The following ROR2 variants were observed in gnomAD, a reference collection of about 807,000 sequenced individuals.
The protein encoded by ROR2 is ROR family WNT receptor 2.
ROR2 carries 33 observed loss-of-function variants against 74.9 expected under a neutral mutation model. The observed-to-expected ratio is 0.44, with a 90% confidence interval of 0.33 to 0.59. The LOEUF (loss-of-function observed/expected upper bound fraction) is 0.59, where lower values mean the gene tolerates loss of function less well. ROR2 is among the 20% of genes least tolerant of loss of function. ROR2 has a pLI of 0.02. For synonymous variants in ROR2, 586 were observed against 558.7 expected, an observed-to-expected ratio of 1.05 and a Z score of -0.69; for missense variants, 1,216 against 1,313.8, an observed-to-expected ratio of 0.93 and a Z score of 1.15.
At position 91,808,927 on chromosome 9, in the gene ROR2, C is replaced by T. The variant is rs558919102; in HGVS notation, c.98-33109G>A. On this transcript the variant is annotated intron_variant, in intron 1 of 8. Transcript: ENST00000375708. ...CTGAGGCAGGAGAATGGCATGAACC[C>T]GGGAGGCGGAGCTTGCAGTGAGCTG... Among the ~76,000 whole-genome samples the T allele has an allele frequency of 1.5e-3, 227 of 151,672 alleles. 3 individuals carry two copies. In the South Asian group the frequency reaches 0.024, roughly 16 times the overall value.
At chr9:91,909,696 C>A (rs1830903986) in intron 1 of ROR2, among the ~76,000 whole-genome samples, 1 of 151,494 alleles carries the variant, frequency 6.6e-6, no homozygotes, top group Non-Finnish European at 1.5e-5. Context: ...GTTTTTCCTC[C>A]TGTTCCATCT....
chr9:91,747,740 T>C (rs1825470202), intron 4 of ROR2, among the ~76,000 whole-genome samples: 1 of 152,144 alleles, frequency 6.6e-6, no homozygotes, highest in Non-Finnish European at 1.5e-5. Context: ...AAGCATATCA[T>C]CACGGTGGGG....
intron 1 of ROR2, among the ~76,000 whole-genome samples, chr9:91,878,356 T>C (rs982657807): frequency 2.6e-5 from 4 of 152,168 alleles, no homozygotes; most frequent in Non-Finnish European, 5.9e-5. Flanking sequence ...TCACCCCTCA[T>C]GGTCAGCTCC....
At chr9:91,756,664 T>A (rs1050535984) in intron 3 of ROR2, among the ~76,000 whole-genome samples, 12 of 151,224 alleles carry the variant, frequency 7.9e-5, no homozygotes, top group African/African-American at 2.7e-4. Context: ...ACACCTCAGC[T>A]CCTCGTGTGT....
intron 8 of ROR2, among the ~76,000 whole-genome samples, chr9:91,725,670 G>C (rs1837002276): frequency 6.6e-6 from 1 of 152,158 alleles, no homozygotes; most frequent in Non-Finnish European, 1.5e-5. Context: ...TCTTGACTAG[G>C]GTCTCTGTTA....
chr9:91,938,688 G>A (rs1831768261), intron 1 of ROR2, among the ~76,000 whole-genome samples: 1 of 152,158 alleles, frequency 6.6e-6, no homozygotes, highest in South Asian at 2.1e-4. Flanking sequence ...AGGAAGGCGA[G>A]AGTTTTTAAA....
intron 1 of ROR2, among the ~76,000 whole-genome samples, chr9:91,909,386 G>A (rs1830895438): frequency 6.6e-6 from 1 of 152,092 alleles, no homozygotes; most frequent in Non-Finnish European, 1.5e-5. Flanking sequence ...TTGGAGTCAG[G>A]GTCTCACTGT....
chr9:91,799,704 A>G lies in ROR2; in HGVS notation c.98-23886T>C, dbSNP rs146806144. On this transcript the variant is annotated intron_variant, in intron 1 of 8. Coordinates refer to ENST00000375708, the MANE Select transcript of ROR2 (RefSeq NM_004560.4). ...TCCAGCTTACTGAACTGTGTCTCAC[A>G]TTCCTGACACACAAGTCCATAAATG... Among the ~76,000 whole-genome samples, 5 of 152,342 alleles carry G rather than the reference A, an allele frequency of 3.3e-5. No individual in the cohort carries two copies. The East Asian group carries it at 9.7e-4, about 29-fold the overall frequency.
rs1223936102 is a variant in ROR2 at position 91,730,894 on chromosome 9, G to A, written c.1183+16C>T. On this transcript the variant is annotated intron_variant, in intron 7 of 8. Coordinates refer to ENST00000375708, the MANE Select transcript of ROR2 (RefSeq NM_004560.4). ...CAACAATCAACACATTAAAAAAAGAGAGAGAGAATACATACTACACGAGGG... is the reference window on the plus strand; with the variant it reads ...CAACAATCAACACATTAAAAAAAGAAAGAGAGAATACATACTACACGAGGG... 1.9e-6 allele frequency: 3 copies of A among 1,614,018 alleles called. No homozygotes were observed. The highest frequency in any genetic ancestry group is 2.5e-6 in the Non-Finnish European group (3 of 1,179,992).
At chr9:91,842,682 T>C (rs754977129) in intron 1 of ROR2, among the ~76,000 whole-genome samples, 1 of 152,232 alleles carries the variant, frequency 6.6e-6, no homozygotes, top group Admixed American at 6.5e-5. Context: ...TCCAGTATCT[T>C]AATTCCACCT....
At chr9:91,920,871 G>C (rs1013169797) in intron 1 of ROR2, among the ~76,000 whole-genome samples, 1 of 152,316 alleles carries the variant, frequency 6.6e-6, no homozygotes, top group South Asian at 2.1e-4. Flanking sequence ...ACTCAGGCAC[G>C]GACCAAGGGT....
intron 1 of ROR2, among the ~76,000 whole-genome samples, chr9:91,853,034 A>G (rs1002608592): frequency 1.3e-5 from 2 of 152,210 alleles, no homozygotes; most frequent in Non-Finnish European, 1.5e-5. Flanking sequence ...TGAGGGTAAA[A>G]ATAACCACCA....
At chr9:91,739,609 A>G (rs10992075) in intron 4 of ROR2, among the ~76,000 whole-genome samples, 47,342 of 151,870 alleles carry the variant, frequency 0.31, 7,707 homozygotes, top group African/African-American at 0.39. Flanking sequence ...GAGGCTGAAC[A>G]CTTGCAATAG....
At chr9:91,883,545 T>C (rs560206734) in intron 1 of ROR2, among the ~76,000 whole-genome samples, 2 of 152,336 alleles carry the variant, frequency 1.3e-5, no homozygotes, top group Admixed American at 6.5e-5. Flanking sequence ...ACACTAATCA[T>C]ATTTCCAGTG....
intron 1 of ROR2, among the ~76,000 whole-genome samples, chr9:91,858,288 C>G (rs1829359421): frequency 6.6e-6 from 1 of 152,248 alleles, no homozygotes; most frequent in African/African-American, 2.4e-5. Flanking sequence ...TGCACACACG[C>G]ATGCATCCAC....
At chr9:91,810,367 C>T (rs572295765) in intron 1 of ROR2, among the ~76,000 whole-genome samples, 38 of 152,304 alleles carry the variant, frequency 2.5e-4, no homozygotes, top group African/African-American at 9.1e-4. Flanking sequence ...CAAATGCCTT[C>T]CCAGAGGCGA....
chr9:91,902,456 T>TA (rs1369655251), intron 1 of ROR2, among the ~76,000 whole-genome samples: 1 of 151,952 alleles, frequency 6.6e-6, no homozygotes, highest in East Asian at 1.9e-4. Flanking sequence ...CTCAGGCCCC[T>TA]ACTGAAAACA....
chr9:91,947,770 A>C (rs1224467774), intron 1 of ROR2, among the ~76,000 whole-genome samples: 2 of 152,196 alleles, frequency 1.3e-5, no homozygotes, highest in African/African-American at 4.8e-5. Flanking sequence ...AAAAACCCCT[A>C]AATAGTTTTA....
At position 91,837,579 on chromosome 9, in the gene ROR2, C is replaced by A. The variant is rs141923715; in HGVS notation, c.98-61761G>T. On this transcript the variant is annotated intron_variant, in intron 1 of 8. Transcript: ENST00000375708. ...TGAACACTACCCAAAGGTAAGCGATCTTAAGGGGCTTGGGGAAGAAGGCCA... is the reference window on the plus strand; with the variant it reads ...TGAACACTACCCAAAGGTAAGCGATATTAAGGGGCTTGGGGAAGAAGGCCA... Among the ~76,000 whole-genome samples the A allele has an allele frequency of 2.9e-3, 445 of 152,304 alleles. 4 individuals are homozygous for A. The highest frequency in any genetic ancestry group is 9.6e-3 in the African/African-American group (398 of 41,558).
Sources: allele counts gnomAD v4.1 joint callset (sites outside exome capture counted in the v4.1 genomes callset), GRCh38; gene constraint gnomAD v4.1.1; transcripts MANE v1.5; gene names NCBI Gene and HGNC (gene_info 2026-07-23, HGNC 2026-07-21).